COL25A1: variants seen among roughly 807,000 people sequenced by gnomAD.
The protein encoded by COL25A1 is collagen type XXV alpha 1 chain.
Under a neutral mutation model 128.4 loss-of-function variants are expected in COL25A1, and 103 were observed. The ratio of observed to expected loss-of-function variants is 0.80; its 90% confidence interval spans 0.68 to 0.94. COL25A1 has a LOEUF of 0.94. Ranked by LOEUF, COL25A1 falls within the 40% of genes least tolerant of loss-of-function variation. The pLI is 0.00. For missense variants in COL25A1, 745 were observed against 840.0 expected, an observed-to-expected ratio of 0.89 and a Z score of 1.40; for synonymous variants, 279 against 277.2, an observed-to-expected ratio of 1.01 and a Z score of -0.06.
At chr4:109,110,546 C>T (rs538863172) in intron 3 of COL25A1, among the ~76,000 whole-genome samples, 2 of 152,124 alleles carry the variant, frequency 1.3e-5, no homozygotes, top group African/African-American at 2.4e-5. Context: ...TCATATCACT[C>T]CTGATCTCGA....
chr4:108,868,213 C>T (rs1224170777), intron 20 of COL25A1, among the ~76,000 whole-genome samples: 1 of 152,100 alleles, frequency 6.6e-6, no homozygotes, highest in African/African-American at 2.4e-5. Context: ...AATAGCATCC[C>T]ATCAATTTAG....
intron 3 of COL25A1, among the ~76,000 whole-genome samples, chr4:109,268,306 T>A (rs1683616163): frequency 6.6e-6 from 1 of 152,220 alleles, no homozygotes; most frequent in South Asian, 2.1e-4. Flanking sequence ...AGCATTTATG[T>A]CTATTTTTTC....
At chr4:108,871,605 CG>C (rs1381923761) in intron 19 of COL25A1, among the ~76,000 whole-genome samples, 2 of 152,146 alleles carry the variant, frequency 1.3e-5, no homozygotes, top group Non-Finnish European at 2.9e-5. Context: ...CGTGAGCCAC[CG>C]CACCGGGCCT....
intron 3 of COL25A1, among the ~76,000 whole-genome samples, chr4:109,260,722 C>G (rs1198738572): frequency 1.3e-5 from 2 of 152,138 alleles, no homozygotes; most frequent in Non-Finnish European, 2.9e-5. Context: ...TCTCGAATTC[C>G]TGACCTCAAG....
intron 3 of COL25A1, among the ~76,000 whole-genome samples, chr4:109,104,408 C>CTCTCTCTA (rs1766208949): frequency 6.6e-6 from 1 of 151,528 alleles, no homozygotes; most frequent in Non-Finnish European, 1.5e-5. Flanking sequence ...ATCACTCTCT[C>CTCTCTCTA]TCTCTCTCTC....
At chr4:108,896,925 C>T (rs962736173) in intron 15 of COL25A1, among the ~76,000 whole-genome samples, 2 of 152,150 alleles carry the variant, frequency 1.3e-5, no homozygotes, top group Non-Finnish European at 2.9e-5. Context: ...TTAAACTATT[C>T]CACAGTATTA....
chr4:108,826,973 CCT>C (rs1560706989), intron 33 of COL25A1, among the ~76,000 whole-genome samples, 160 bp downstream of exon 33: 1 of 152,058 alleles, frequency 6.6e-6, no homozygotes, highest in Non-Finnish European at 1.5e-5. Context: ...CTGAATATGA[CCT>C]ATTTGTGAAG....
rs190676781 is a variant in COL25A1 at position 109,235,749 on chromosome 4, T to C, written c.367+64834A>G. 1.2e-4 allele frequency among the ~76,000 whole-genome samples: 18 copies of C among 152,230 alleles called. No homozygotes were observed. In the East Asian group the frequency reaches 3.3e-3, roughly 28 times the overall value. ...ACAGCAAGGTGCAGGTAAAACTCAATCTATAGGCATAGATTGTACAATTAG... is the reference window on the plus strand; with the variant it reads ...ACAGCAAGGTGCAGGTAAAACTCAACCTATAGGCATAGATTGTACAATTAG... On this transcript the variant is annotated intron_variant, in intron 3 of 37. Coordinates refer to ENST00000399132, the MANE Select transcript of COL25A1 (RefSeq NM_198721.4).
chr4:109,165,696 GACAGAACAAT>G lies in COL25A1; in HGVS notation c.368-115527_368-115518del, dbSNP rs569996740. Among the ~76,000 whole-genome samples the G allele has an allele frequency of 1.3e-3, 198 of 152,272 alleles. 8 individuals are homozygous for G. In the South Asian group the frequency reaches 0.04, roughly 31 times the overall value. ...CATGCCACTGCACTCCAGCCTGAGTGACAGAACAATACTGTCTCAAAAAAGATAATAATAA... is the reference window on the plus strand; with the variant it reads ...CATGCCACTGCACTCCAGCCTGAGTGACTGTCTCAAAAAAGATAATAATAA... On this transcript the variant is annotated intron_variant, in intron 3 of 37. Transcript: ENST00000399132.
chr4:108,947,287 T>C (rs1280282075), intron 8 of COL25A1, among the ~76,000 whole-genome samples: 3 of 151,580 alleles, frequency 2.0e-5, no homozygotes, highest in East Asian at 1.9e-4. Context: ...ACTAAAAATA[T>C]GAAAATTAGC....
At chr4:108,840,431 C>G (rs1013010059) in intron 31 of COL25A1, among the ~76,000 whole-genome samples, 1 of 152,014 alleles carries the variant, frequency 6.6e-6, no homozygotes, top group East Asian at 1.9e-4. Context: ...TAGTTACTCA[C>G]TGGCCTTACT....
At chr4:109,239,424 T>TATA (rs1560914982) in intron 3 of COL25A1, among the ~76,000 whole-genome samples, 59 of 107,064 alleles carry the variant, frequency 5.5e-4, no homozygotes, top group East Asian at 2.6e-3. Flanking sequence ...ATATATATAT[T>TATA]TATTTATTTA....
chr4:109,083,578 T>G (rs1173343985), intron 3 of COL25A1, among the ~76,000 whole-genome samples: 1 of 145,860 alleles, frequency 6.9e-6, no homozygotes, highest in African/African-American at 2.5e-5. Context: ...TTCTCCTGCC[T>G]CAGCCTCCCG....
intron 3 of COL25A1, among the ~76,000 whole-genome samples, chr4:109,262,411 G>A (rs1018942362): frequency 1.3e-5 from 2 of 152,084 alleles, no homozygotes; most frequent in Non-Finnish European, 2.9e-5. Flanking sequence ...CTACTCGGGA[G>A]GCTGAGGCAG....
chr4:109,146,696 G>A (rs1770974009), intron 3 of COL25A1, among the ~76,000 whole-genome samples: 1 of 152,230 alleles, frequency 6.6e-6, no homozygotes, highest in African/African-American at 2.4e-5. Context: ...AACCTGTCAA[G>A]AGGCAGTGGT....
In COL25A1 at chr4:109,218,357, G is replaced by GTTTTTTTTTTTTTTGTTT. The variant is rs1560887047; in HGVS notation, c.367+82225_367+82226insAAACAAAAAAAAAAAAAA. ...CAGAATCAATTGCTGGTTTTTTGGGGTTTTTTTTTTTTTTTTTTTTTTTTT... is the reference window on the plus strand; with the variant it reads ...CAGAATCAATTGCTGGTTTTTTGGGGTTTTTTTTTTTTTTGTTTTTTTTTTTTTTTTTTTTTTTTTTTT... On this transcript the variant is annotated intron_variant, in intron 3 of 37. Transcript: ENST00000399132. 1.4e-4 allele frequency among the ~76,000 whole-genome samples: 10 copies of GTTTTTTTTTTTTTTGTTT among 73,558 alleles called. No homozygotes were observed. The South Asian group carries it at 2.1e-3, about 16-fold the overall frequency. 48.3% of individuals were successfully genotyped at this position (73,558 alleles called of 152,430 possible).
chr4:109,009,326 T>A (rs1756355270), intron 6 of COL25A1, among the ~76,000 whole-genome samples: 1 of 152,168 alleles, frequency 6.6e-6, no homozygotes, highest in Non-Finnish European at 1.5e-5. Flanking sequence ...AATATAGGTA[T>A]TTTCAGATAT....
chr4:108,827,839 A>G (rs1370309612), intron 32 of COL25A1, among the ~76,000 whole-genome samples: 2 of 152,072 alleles, frequency 1.3e-5, no homozygotes, highest in Non-Finnish European at 1.5e-5. Flanking sequence ...CTTTCCTTCT[A>G]TCAAAAAACA....
chr4:108,940,963 C>T (rs1748014836), intron 9 of COL25A1, among the ~76,000 whole-genome samples: 1 of 152,162 alleles, frequency 6.6e-6, no homozygotes, highest in African/African-American at 2.4e-5. Context: ...TCCATAACAA[C>T]ACTGCATCAG....
Sources: gnomAD v4.1 joint callset for allele counts (sites outside exome capture counted in the v4.1 genomes callset) on GRCh38, gnomAD v4.1.1 for gene constraint, MANE v1.5 for transcripts, NCBI Gene and HGNC (gene_info 2026-07-23, HGNC 2026-07-21) for gene names.